The following SPAG16 variants were observed in gnomAD, a reference collection of about 807,000 sequenced individuals.
SPAG16 encodes sperm associated antigen 16, also known as sperm-associated antigen 16 protein.
In SPAG16, 86 loss-of-function variants were observed where a neutral mutation model predicts 80.4. The observed-to-expected ratio is 1.07, with a 90% CI of 0.90 to 1.28. The LOEUF is 1.28. Among genes scored for constraint, SPAG16 ranks in the 50% most tolerant of loss-of-function variants. SPAG16 has a pLI of 0.00. For missense variants in SPAG16, 870 were observed against 765.3 expected (o/e 1.14, Z -1.61); for synonymous variants, 294 against 265.9 (o/e 1.11, Z -1.03).
chr2:213,342,287 A>ATATATATGACATATATGTG (rs2064728053), intron 6 of SPAG16, among the ~76,000 whole-genome samples: 6 of 141,640 alleles, frequency 4.2e-5, no homozygotes, highest in African/African-American at 1.6e-4. Flanking sequence ...ATACATATGT[A>ATATATATGACATATATGTG]TATATATATG....
At chr2:213,295,020 G>T (rs1489530250) in intron 1 of SPAG16, among the ~76,000 whole-genome samples, 3 of 152,124 alleles carry the variant, frequency 2.0e-5, no homozygotes, top group Non-Finnish European at 1.5e-5. Flanking sequence ...CTGTGTAAGT[G>T]TTATCTGTTC....
chr2:214,268,887 C>T (rs7559594), intron 15 of SPAG16, among the ~76,000 whole-genome samples: 62,561 of 151,646 alleles, frequency 0.41, 15,259 homozygotes, highest in South Asian at 0.58. Flanking sequence ...CTATGCTATT[C>T]GGCAGTAATT....
chr2:214,095,031 T>C (rs1229662567), intron 13 of SPAG16, among the ~76,000 whole-genome samples: 1 of 152,046 alleles, frequency 6.6e-6, no homozygotes, highest in Non-Finnish European at 1.5e-5. Context: ...TGCTTAATGA[T>C]GGTTTCAGAA....
At chr2:213,531,946 T>G (rs1438329953) in intron 10 of SPAG16, among the ~76,000 whole-genome samples, 2 of 152,186 alleles carry the variant, frequency 1.3e-5, no homozygotes, top group Non-Finnish European at 2.9e-5. Context: ...TGTACAGAGT[T>G]ACGTTTTTTA....
chr2:213,443,242 T>C (rs2071093191), intron 9 of SPAG16, among the ~76,000 whole-genome samples: 1 of 152,236 alleles, frequency 6.6e-6, no homozygotes, highest in South Asian at 2.1e-4. Context: ...CCTTATGATT[T>C]ACATTAGATC....
chr2:213,397,279 C>T (rs1353672668), intron 9 of SPAG16, among the ~76,000 whole-genome samples: 1 of 152,172 alleles, frequency 6.6e-6, no homozygotes, highest in East Asian at 1.9e-4. Flanking sequence ...AGAGCAACAA[C>T]ACATCACATC....
At chr2:213,468,178 C>T (rs977699074) in intron 9 of SPAG16, among the ~76,000 whole-genome samples, 1 of 151,898 alleles carries the variant, frequency 6.6e-6, no homozygotes, top group Non-Finnish European at 1.5e-5. Context: ...CTCTTAGCCT[C>T]TCCAGAAAGG....
intron 10 of SPAG16, among the ~76,000 whole-genome samples, chr2:213,801,230 C>T (rs1006287006): frequency 4.6e-5 from 7 of 152,036 alleles, no homozygotes; most frequent in South Asian, 4.1e-4. Flanking sequence ...TGTGTGTGTG[C>T]GTGCGCGCGT....
chr2:214,172,155 T>G (rs963661412), intron 15 of SPAG16, among the ~76,000 whole-genome samples: 1 of 151,998 alleles, frequency 6.6e-6, no homozygotes, highest in African/African-American at 2.4e-5. Flanking sequence ...GCAGGTTAGT[T>G]ACATATGTAT....
At chr2:213,329,849 C>G (rs1212882919) in intron 5 of SPAG16, among the ~76,000 whole-genome samples, 2 of 152,170 alleles carry the variant, frequency 1.3e-5, no homozygotes, top group Non-Finnish European at 2.9e-5. Context: ...CCTAGGGTCC[C>G]TCTGCTGTGT....
intron 10 of SPAG16, among the ~76,000 whole-genome samples, chr2:213,562,333 G>A (rs1171017168): frequency 1.3e-5 from 2 of 152,080 alleles, no homozygotes; most frequent in Non-Finnish European, 2.9e-5. Flanking sequence ...ATTTAATTCT[G>A]AAGACTCTGA....
chr2:213,356,675 A>G (rs1430942093), intron 7 of SPAG16, among the ~76,000 whole-genome samples: 1 of 151,500 alleles, frequency 6.6e-6, no homozygotes, highest in Admixed American at 6.6e-5. Context: ...GTCTGTCAAT[A>G]TTGTTGATCT....
intron 10 of SPAG16, among the ~76,000 whole-genome samples, chr2:213,810,655 G>A (rs899992086): frequency 6.6e-6 from 1 of 152,138 alleles, no homozygotes; most frequent in Non-Finnish European, 1.5e-5. Flanking sequence ...CAATACAGCA[G>A]GAGGAACAAG....
chr2:213,476,651 G>A (rs1025663148), intron 9 of SPAG16, among the ~76,000 whole-genome samples: 2 of 152,166 alleles, frequency 1.3e-5, no homozygotes, highest in Admixed American at 1.3e-4. Flanking sequence ...AAATGTTGTG[G>A]CATTTTTGCT....
chr2:213,886,578 T>C (rs2076563560), intron 11 of SPAG16, among the ~76,000 whole-genome samples: 1 of 151,972 alleles, frequency 6.6e-6, no homozygotes, highest in Non-Finnish European at 1.5e-5. Flanking sequence ...AAACAAATGA[T>C]GAATTGAGAT....
rs1575686380 is a variant in SPAG16, at chr2:213,971,268, G to A, written c.1400+41123G>A. ...CAGCACCTTTTCAATCATAACTATT[G>A]CATCATTAGTGCACAGCTACATAGT... On this transcript the variant is annotated intron_variant, in intron 12 of 15. Transcript: ENST00000331683. Among the ~76,000 whole-genome samples, 3 of 152,022 alleles carry A rather than the reference G, an allele frequency of 2.0e-5. No homozygotes were observed. In the South Asian group the frequency reaches 6.2e-4, roughly 31 times the overall value.
At chr2:213,585,134 A>G (rs1559281173) in intron 10 of SPAG16, among the ~76,000 whole-genome samples, 1 of 150,270 alleles carries the variant, frequency 6.7e-6, no homozygotes, top group Non-Finnish European at 1.5e-5. Context: ...GGTTGTAGTG[A>G]GCTGAGATCG....
intron 10 of SPAG16, among the ~76,000 whole-genome samples, chr2:213,527,272 G>A (rs1017661949): frequency 1.3e-5 from 2 of 152,098 alleles, no homozygotes; most frequent in Non-Finnish European, 1.5e-5. Context: ...GAAAAAACTG[G>A]TTTGCTTCTT....
At chr2:214,402,307 C>T (rs140745511) in intron 15 of SPAG16, among the ~76,000 whole-genome samples, 123 of 152,072 alleles carry the variant, frequency 8.1e-4, no homozygotes, top group Non-Finnish European at 1.2e-3. Context: ...AGTTTCATGC[C>T]TCTCAGTGGT....
Sources: gnomAD v4.1 joint callset for allele counts (sites outside exome capture counted in the v4.1 genomes callset) on GRCh38, gnomAD v4.1.1 for gene constraint, MANE v1.5 for transcripts, NCBI Gene and HGNC (gene_info 2026-07-23, HGNC 2026-07-21) for gene names.